NLGN1: variants seen among roughly 807,000 people sequenced by gnomAD.
NLGN1 encodes the protein neuroligin 1.
A neutral mutation model predicts 65.5 loss-of-function variants in NLGN1; 12 were observed. The observed-to-expected ratio is 0.18, with a 90% CI of 0.12 to 0.30. The LOEUF (loss-of-function observed/expected upper bound fraction) is 0.30, where lower values mean the gene tolerates loss of function less well. NLGN1 is among the 10% of genes least tolerant of loss of function. The probability of loss-of-function intolerance (pLI) is 1.00; values close to 1 mark genes in which losing one functional copy is unlikely to be tolerated. For synonymous variants in NLGN1, 350 were observed against 359.5 expected (o/e 0.97, Z 0.30); for missense variants, 750 against 1,007.1 (o/e 0.74, Z 3.46).
intron 2 of NLGN1, among the ~76,000 whole-genome samples, chr3:173,583,842 A>G (rs1746805036): frequency 6.6e-6 from 1 of 152,192 alleles, no homozygotes; most frequent in Non-Finnish European, 1.5e-5. Flanking sequence ...ATGAACACTA[A>G]AAGTCCCAAA....
chr3:174,112,156 A>G (rs1341137919), intron 4 of NLGN1, among the ~76,000 whole-genome samples: 1 of 151,960 alleles, frequency 6.6e-6, no homozygotes, highest in African/African-American at 2.4e-5. Flanking sequence ...AAAAATTTCT[A>G]GTGGCTTAGA....
intron 2 of NLGN1, among the ~76,000 whole-genome samples, chr3:173,575,384 T>G (rs1745349945): frequency 6.6e-6 from 1 of 152,124 alleles, no homozygotes; most frequent in East Asian, 1.9e-4. Flanking sequence ...ATAATAGATA[T>G]TAGTTCCAAG....
intron 3 of NLGN1, among the ~76,000 whole-genome samples, chr3:173,632,554 C>T (rs558720348): frequency 7.2e-4 from 110 of 152,214 alleles, no homozygotes; most frequent in Non-Finnish European, 1.1e-3. Flanking sequence ...AAAAAATGGC[C>T]TTGGTTCATT....
intron 3 of NLGN1, among the ~76,000 whole-genome samples, chr3:173,707,356 T>A (rs1485233051): frequency 6.6e-6 from 1 of 152,220 alleles, no homozygotes; most frequent in East Asian, 1.9e-4. Context: ...GTTCCTCATC[T>A]TCTGTGAACC....
At position 174,286,329 on chromosome 3, in the gene NLGN1, T is replaced by A. The variant is rs559086468; in HGVS notation, c.*5026T>A. The A allele has an allele frequency of 9.5e-4, 144 of 151,496 alleles. 2 individuals carry two copies. The highest frequency in any genetic ancestry group is 3.4e-3 in the African/African-American group (139 of 41,486). 9.4% of individuals were successfully genotyped at this position (151,496 alleles called of 1,614,324 possible). A position where few individuals can be genotyped will look rare whatever the true frequency, so the allele number is the denominator to read the frequency against. On this transcript the variant is annotated 3_prime_UTR_variant, in exon 7 of 7. Transcript: ENST00000457714. ...AGCAGTTTTGAGTTGAAATGAATGA[T>A]AACAATTAAAGCTTTTAAGAAATTG...
chr3:174,280,135 T>C lies in NLGN1; in HGVS notation c.1650-346T>C, dbSNP rs1047754344. Among the ~76,000 whole-genome samples the C allele has an allele frequency of 6.6e-6, 1 of 151,956 alleles. No homozygotes were observed. The highest frequency in any genetic ancestry group is 6.6e-5 in the Admixed American group (1 of 15,242). On this transcript the variant is annotated intron_variant, in intron 6 of 6. Coordinates refer to ENST00000457714, the Ensembl canonical transcript of NLGN1. This position sits in a 1 kb window ranked among gnomAD's most constrained non-coding sequence, Gnocchi z 4.9. The stretch of plus-strand genomic sequence containing the variant: ...CAAACCTTCATCTGCTAATTTAAAA[T>C]CAAAAATCCTTTCCACTATTCCATG...
At chr3:173,689,305 CTG>C (rs748761646) in intron 3 of NLGN1, among the ~76,000 whole-genome samples, 4 of 152,180 alleles carry the variant, frequency 2.6e-5, no homozygotes, top group African/African-American at 4.8e-5. Flanking sequence ...TGTCACAAGA[CTG>C]TGTGAGGTAT....
At chr3:174,079,021 T>A (rs1201322455) in intron 4 of NLGN1, among the ~76,000 whole-genome samples, 1 of 152,054 alleles carries the variant, frequency 6.6e-6, no homozygotes, top group Non-Finnish European at 1.5e-5. Context: ...TGTATGTAAA[T>A]GTGGATATAT....
chr3:173,469,173 G>A (rs1724893694), intron 2 of NLGN1, among the ~76,000 whole-genome samples: 1 of 151,890 alleles, frequency 6.6e-6, no homozygotes, highest in African/African-American at 2.4e-5. Flanking sequence ...ATTTTTTCCA[G>A]TTCTTACTGG....
chr3:173,993,480 A>G (rs1382074399), intron 4 of NLGN1, among the ~76,000 whole-genome samples: 1 of 152,204 alleles, frequency 6.6e-6, no homozygotes, highest in East Asian at 1.9e-4. Flanking sequence ...AAATAGAGCT[A>G]CTAGTGGTTA....
At chr3:173,472,511 G>A (rs1455628437) in intron 2 of NLGN1, among the ~76,000 whole-genome samples, 1 of 151,836 alleles carries the variant, frequency 6.6e-6, no homozygotes, top group Non-Finnish European at 1.5e-5. Flanking sequence ...ATGGAGAATA[G>A]TTTCACTTAT....
intron 4 of NLGN1, among the ~76,000 whole-genome samples, chr3:174,212,363 C>T (rs1039464036): frequency 1.3e-5 from 2 of 152,234 alleles, no homozygotes; most frequent in African/African-American, 4.8e-5. Context: ...CCCTCCACAC[C>T]TCCCCGCAAG....
chr3:173,946,627 T>C (rs1202927636), intron 4 of NLGN1, among the ~76,000 whole-genome samples: 1 of 152,180 alleles, frequency 6.6e-6, no homozygotes, highest in African/African-American at 2.4e-5. Flanking sequence ...TCAAACACTA[T>C]GTACATGTTG....
chr3:173,741,082 A>G lies in NLGN1; in HGVS notation c.494-66598A>G, dbSNP rs1466754446. Among the ~76,000 whole-genome samples the G allele has an allele frequency of 3.3e-5, 5 of 152,194 alleles. No individual in the cohort carries two copies. The South Asian group carries it at 1.0e-3, about 31-fold the overall frequency. On this transcript the variant is annotated intron_variant, in intron 3 of 6. Transcript: ENST00000457714. ...GAATGCCTAAATACATGGAAGTTTG[A>G]TTTAGTCAACATTTTATAAACTAAT...
intron 4 of NLGN1, among the ~76,000 whole-genome samples, chr3:173,843,868 C>T (rs556961534): frequency 2.0e-5 from 3 of 152,288 alleles, no homozygotes; most frequent in South Asian, 4.1e-4. Context: ...TTCTCAGCAA[C>T]ACCCCACTCT....
chr3:173,997,597 G>T (rs911759909), intron 4 of NLGN1, among the ~76,000 whole-genome samples: 2 of 151,892 alleles, frequency 1.3e-5, no homozygotes, highest in African/African-American at 4.8e-5. Flanking sequence ...CTGTGTTCCC[G>T]GCAATATTCA....
intron 4 of NLGN1, among the ~76,000 whole-genome samples, chr3:173,861,571 C>CAT (rs570504805): frequency 7.1e-6 from 1 of 141,676 alleles, no homozygotes; most frequent in Non-Finnish European, 1.5e-5. Context: ...TACACACACA[C>CAT]ATATATATAC....
intron 4 of NLGN1, among the ~76,000 whole-genome samples, chr3:174,049,230 A>C (rs1734278026): frequency 6.6e-6 from 1 of 152,140 alleles, no homozygotes; most frequent in Non-Finnish European, 1.5e-5. Context: ...TGTGTAACGC[A>C]GTAGCTATTG....
chr3:173,808,908 T>A lies in NLGN1; in HGVS notation c.646+1076T>A, dbSNP rs190791917. On this transcript the variant is annotated intron_variant, in intron 4 of 6. Coordinates refer to ENST00000457714, the Ensembl canonical transcript of NLGN1. Reference sequence around the variant, plus strand: ...TCAGAATTTTTCCCCTTCAGTGTTATTGTAACTCCTATGTAATCATAATTC... The same window carrying A: ...TCAGAATTTTTCCCCTTCAGTGTTAATGTAACTCCTATGTAATCATAATTC... Among the ~76,000 whole-genome samples, 217 of 152,294 alleles carry A rather than the reference T, an allele frequency of 1.4e-3. 1 individual carries two copies. Among genetic ancestry groups the A allele is most frequent in the African/African-American group, 5.0e-3 (207 of 41,592 alleles).
Sources: allele counts gnomAD v4.1 joint callset (sites outside exome capture counted in the v4.1 genomes callset), GRCh38; gene constraint gnomAD v4.1.1; non-coding constraint Gnocchi (gnomAD v3.1); transcripts MANE v1.5; gene names NCBI Gene and HGNC (gene_info 2026-07-23, HGNC 2026-07-21).